Variants in ZFHX4 observed in about 807,000 individuals in gnomAD.
The protein encoded by ZFHX4 is zinc finger homeobox protein 4.
A neutral mutation model predicts 267.6 loss-of-function variants in ZFHX4; 56 were observed. The observed-to-expected ratio is 0.21, with a 90% CI of 0.17 to 0.26. ZFHX4 has a LOEUF of 0.26. Ranked by LOEUF, ZFHX4 falls within the 10% of genes least tolerant of loss-of-function variation. ZFHX4 has a pLI of 1.00. For missense variants in ZFHX4, 4,332 were observed against 4,420.0 expected, an observed-to-expected ratio of 0.98 and a Z score of 0.56; for synonymous variants, 1,778 against 1,665.6, an observed-to-expected ratio of 1.07 and a Z score of -1.64.
chr8:76,729,912 A>C (rs1808955799), intron 3 of ZFHX4, among the ~76,000 whole-genome samples: 1 of 152,158 alleles, frequency 6.6e-6, no homozygotes, highest in South Asian at 2.1e-4. Context: ...GAAGTCTATG[A>C]AATAATAAAG....
At chr8:76,738,636 T>TTCCC (rs1809230778) in intron 3 of ZFHX4, among the ~76,000 whole-genome samples, 1 of 148,976 alleles carries the variant, frequency 6.7e-6, no homozygotes, top group Non-Finnish European at 1.5e-5. Context: ...CTTTCCTTCC[T>TTCCC]TCCTTCCTTC....
chr8:76,862,457 G>T (rs935498755), intron 10 of ZFHX4, among the ~76,000 whole-genome samples: 16 of 152,162 alleles, frequency 1.1e-4, no homozygotes, highest in African/African-American at 3.6e-4. Context: ...TGAAATCCTG[G>T]CTAACCTTGT....
chr8:76,846,913 G>A (rs1250928726), intron 6 of ZFHX4, among the ~76,000 whole-genome samples: 1 of 152,100 alleles, frequency 6.6e-6, no homozygotes, highest in African/African-American at 2.4e-5. Context: ...GTCCTTGATG[G>A]CACAGGGACC....
intron 4 of ZFHX4, among the ~76,000 whole-genome samples, chr8:76,785,657 T>A (rs1479433655): frequency 6.6e-6 from 1 of 152,154 alleles, no homozygotes; most frequent in Non-Finnish European, 1.5e-5. Context: ...GACATTAACA[T>A]ACTTGACGGC....
chr8:76,757,683 C>T (rs1809799880), intron 3 of ZFHX4, among the ~76,000 whole-genome samples: 1 of 152,216 alleles, frequency 6.6e-6, no homozygotes, highest in African/African-American at 2.4e-5. Flanking sequence ...CTGTAAATAA[C>T]TGAGAAGAGC....
At chr8:76,699,147 A>C (rs1808035368) in intron 1 of ZFHX4, among the ~76,000 whole-genome samples, 1 of 152,200 alleles carries the variant, frequency 6.6e-6, no homozygotes, top group African/African-American at 2.4e-5. Flanking sequence ...AAAGCTCACA[A>C]ACATTAACTA....
In ZFHX4 at chr8:76,854,954, C is replaced by T. The variant is rs776540982; in HGVS notation, c.8033C>T (p.Pro2678Leu). ...VGPAQSHKRC[P>L]FCRALFKAKS... is the part of the protein sequence containing the mutation. Reference sequence around the variant, plus strand: ...CCAGCACAGTCTCATAAACGGTGTCCGTTTTGCCGAGCCCTGTTTAAAGCA... The same window carrying T: ...CCAGCACAGTCTCATAAACGGTGTCTGTTTTGCCGAGCCCTGTTTAAAGCA... Residue 2678 changes from proline (P) to leucine (L), a missense_variant, in exon 10 of 11, where the codon CCG (proline) becomes CTG (leucine). By Grantham distance (98) the Pro-to-Leu change is moderately conservative. Transcript: ENST00000651372. 3 of 1,613,920 alleles carry T rather than the reference C, an allele frequency of 1.9e-6. No homozygotes were observed. The highest frequency in any genetic ancestry group is 2.5e-6 in the Non-Finnish European group (3 of 1,179,874).
At chr8:76,840,723 T>C (rs945632617) in intron 5 of ZFHX4, among the ~76,000 whole-genome samples, 1 of 152,176 alleles carries the variant, frequency 6.6e-6, no homozygotes, top group African/African-American at 2.4e-5. Flanking sequence ...CAAGAATTCC[T>C]GCATCCCTTC....
intron 4 of ZFHX4, 53 bp from the exon 5 acceptor site, chr8:76,833,285 G>T: frequency 3.3e-6 from 5 of 1,504,648 alleles, no homozygotes; most frequent in Non-Finnish European, 4.6e-6. Flanking sequence ...TAGCCATGAT[G>T]AGAGAGCTGG....
chr8:76,824,257 A>G (rs976349753), intron 4 of ZFHX4, among the ~76,000 whole-genome samples: 88 of 152,220 alleles, frequency 5.8e-4, no homozygotes, highest in African/African-American at 2.0e-3. Flanking sequence ...TTTGTGTCTT[A>G]ATGGTGTGTT....
At chr8:76,792,883 A>G (rs1189766479) in intron 4 of ZFHX4, among the ~76,000 whole-genome samples, 2 of 152,130 alleles carry the variant, frequency 1.3e-5, no homozygotes, top group African/African-American at 2.4e-5. Flanking sequence ...CCAGCTCTAC[A>G]TCACATCATT....
Position 76,864,540 on chromosome 8 carries a change from T to C in ZFHX4, c.10826T>C (p.Ile3609Thr), listed in dbSNP as rs767387306. 1 of 1,609,792 alleles carries C rather than the reference T, an allele frequency of 6.2e-7. No homozygotes were observed. Among genetic ancestry groups the C allele is most frequent in the Non-Finnish European group, 8.5e-7 (1 of 1,178,052 alleles). The change falls in exon 11 of 11, where the codon ATC becomes ACC. Residue 3609 changes from isoleucine (I) to threonine (T), a missense_variant. This residue lies in a region of ZFHX4 where 1,648 missense variants were observed against 1,625.0 expected (regional missense o/e 1.01). Transcript: ENST00000651372. ...ASGLDGNFNS[I>T]RMDMFSV ...GGCCTAGATGGTAATTTCAATAGCA[T>C]CCGAATGGATATGTTCAGTGTGTAG... is the stretch of plus-strand genomic sequence containing the variant.
rs1270118495 is a variant in ZFHX4, at chr8:76,864,701, C to T, written c.*136C>T. 1 of 631,296 alleles carries T rather than the reference C, an allele frequency of 1.6e-6. No homozygotes were observed. The highest frequency in any genetic ancestry group is 2.6e-6 in the Non-Finnish European group (1 of 384,518). The allele number at this position is 631,296 out of a possible 1,614,324, so 39.1% of individuals were successfully genotyped here. ...AATGATTGACTCAGGATTGTTTTTCCCATATTGATATGCTGGCAATATAGG... is the reference window on the plus strand; with the variant it reads ...AATGATTGACTCAGGATTGTTTTTCTCATATTGATATGCTGGCAATATAGG... On this transcript the variant is annotated 3_prime_UTR_variant, in exon 11 of 11. Transcript: ENST00000651372.
intron 3 of ZFHX4, among the ~76,000 whole-genome samples, chr8:76,731,451 G>A (rs566601498): frequency 5.9e-5 from 9 of 152,264 alleles, no homozygotes; most frequent in South Asian, 2.1e-4. Flanking sequence ...TCAGGTTATA[G>A]TTGAGAGTCA....
At chr8:76,831,403 G>T (rs1008346963) in intron 4 of ZFHX4, among the ~76,000 whole-genome samples, 8 of 152,120 alleles carry the variant, frequency 5.3e-5, no homozygotes, top group African/African-American at 1.9e-4. Flanking sequence ...CATAGAGAGA[G>T]AGAGAGCAGG....
At position 76,853,878 on chromosome 8, in the gene ZFHX4, G is replaced by A. The variant is rs1478326515; in HGVS notation, c.6957G>A (p.Val2319=). 6.2e-7 allele frequency: 1 copy of A among 1,613,760 alleles called. No homozygotes were observed. The highest frequency in any genetic ancestry group is 1.1e-5 in the South Asian group (1 of 91,074). The stretch of plus-strand genomic sequence containing the variant: ...AGTACCAGTGTAAAAAGTGCAATGT[G>A]GTTTTCCCCAGGATCTTTGACTTGA... The part of the protein sequence containing the change: ...NMQYQCKKCN[V]VFPRIFDLIT... The change falls in exon 10 of 11, where the codon GTG becomes GTA. Residue 2319 remains valine, a synonymous_variant. Transcript: ENST00000651372.
chr8:76,731,204 C>T (rs1809000960), intron 3 of ZFHX4, among the ~76,000 whole-genome samples: 1 of 152,092 alleles, frequency 6.6e-6, no homozygotes, highest in East Asian at 1.9e-4. Flanking sequence ...GTGTCCATAC[C>T]TTTCATAAGA....
intron 3 of ZFHX4, among the ~76,000 whole-genome samples, chr8:76,756,007 T>G (rs1809750778): frequency 6.6e-6 from 1 of 152,162 alleles, no homozygotes; most frequent in African/African-American, 2.4e-5. Flanking sequence ...ATGTTATTCT[T>G]TGGATTAAGT....
At chr8:76,794,992 C>T (rs978908426) in intron 4 of ZFHX4, among the ~76,000 whole-genome samples, 17 of 151,700 alleles carry the variant, frequency 1.1e-4, no homozygotes, top group Admixed American at 2.0e-4. Context: ...CAGCTGTCAG[C>T]CTGCAAGTAG....
Sources: allele counts gnomAD v4.1 joint callset (sites outside exome capture counted in the v4.1 genomes callset), GRCh38; gene constraint gnomAD v4.1.1; regional missense constraint gnomAD v4.1.1; transcripts MANE v1.5; gene names NCBI Gene and HGNC (gene_info 2026-07-23, HGNC 2026-07-21).